RALYL: variants seen among roughly 807,000 people sequenced by gnomAD.
RALYL encodes RNA-binding Raly-like protein.
RALYL carries 29 observed loss-of-function variants against 35.1 expected under a neutral mutation model. The ratio of observed to expected loss-of-function variants is 0.83; its 90% CI spans 0.61 to 1.13. The LOEUF (loss-of-function observed/expected upper bound fraction) is 1.13. Ranked by LOEUF, RALYL falls within the 50% of genes most tolerant of loss-of-function variation. The pLI, the probability that RALYL is intolerant of heterozygous loss-of-function variation, is 0.00. For missense variants in RALYL, 359 were observed against 360.4 expected (o/e 1.00, Z 0.03); for synonymous variants, 120 against 127.6 (o/e 0.94, Z 0.40).
At chr8:84,557,254 TCGA>T (rs1459487890) in intron 2 of RALYL, among the ~76,000 whole-genome samples, 1 of 152,200 alleles carries the variant, frequency 6.6e-6, no homozygotes, top group East Asian at 1.9e-4. Context: ...CATTGTTTCC[TCGA>T]AGGAGAGAGT....
At chr8:84,318,639 T>G (rs2130291441) in intron 1 of RALYL, among the ~76,000 whole-genome samples, 1 of 152,260 alleles carries the variant, frequency 6.6e-6, no homozygotes, top group African/African-American at 2.4e-5. Flanking sequence ...AAGTTCAAAT[T>G]TATTTATTTA....
intron 1 of RALYL, among the ~76,000 whole-genome samples, chr8:84,425,516 C>T (rs576877918): frequency 1.3e-5 from 2 of 152,202 alleles, no homozygotes; most frequent in South Asian, 2.1e-4. Context: ...TCTTCTGCGT[C>T]GCTCACGCTG....
At chr8:84,847,887 C>T (rs187216583) in intron 4 of RALYL, among the ~76,000 whole-genome samples, 2 of 152,264 alleles carry the variant, frequency 1.3e-5, no homozygotes, top group Admixed American at 1.3e-4. Flanking sequence ...TGGAGGCAGA[C>T]TTTACCTTCA....
chr8:84,886,226 T>A (rs932526779), intron 7 of RALYL, among the ~76,000 whole-genome samples: 1 of 152,156 alleles, frequency 6.6e-6, no homozygotes, highest in Non-Finnish European at 1.5e-5. Context: ...ATAAAAGTAA[T>A]TATTATTTTA....
chr8:84,861,872 C>A (rs1563763573), intron 5 of RALYL, among the ~76,000 whole-genome samples: 1 of 152,208 alleles, frequency 6.6e-6, no homozygotes, highest in Admixed American at 6.5e-5. Flanking sequence ...TCTGCAAGAT[C>A]TTTTCCTCTT....
intron 1 of RALYL, among the ~76,000 whole-genome samples, chr8:84,515,266 A>G (rs2057966411): frequency 6.6e-6 from 1 of 152,182 alleles, no homozygotes; most frequent in Admixed American, 6.5e-5. Flanking sequence ...TTCTTTATGC[A>G]TGAAGGGAAT....
chr8:84,477,353 A>G (rs563170179), intron 1 of RALYL, among the ~76,000 whole-genome samples: 26 of 133,092 alleles, frequency 2.0e-4, no homozygotes, highest in African/African-American at 6.4e-4. Flanking sequence ...CCATCTATCT[A>G]TTGATTTACA....
chr8:84,649,775 G>A (rs1248077917), intron 2 of RALYL, among the ~76,000 whole-genome samples: 7 of 152,022 alleles, frequency 4.6e-5, no homozygotes, highest in Admixed American at 1.3e-4. Flanking sequence ...CTCTTTTTTG[G>A]TTGCATATGA....
At chr8:84,818,301 A>C (rs1327996862) in intron 4 of RALYL, among the ~76,000 whole-genome samples, 1 of 152,236 alleles carries the variant, frequency 6.6e-6, no homozygotes, top group Non-Finnish European at 1.5e-5. Context: ...ACATAAAAGC[A>C]AAAGCAGATT....
At chr8:84,578,785 G>A (rs1046280862) in intron 2 of RALYL, among the ~76,000 whole-genome samples, 1 of 152,190 alleles carries the variant, frequency 6.6e-6, no homozygotes, top group Non-Finnish European at 1.5e-5. Flanking sequence ...TAGCTCCTTT[G>A]GGCAGCTGTT....
chr8:84,895,162 C>T (rs1483383072), intron 8 of RALYL, among the ~76,000 whole-genome samples: 4 of 152,078 alleles, frequency 2.6e-5, no homozygotes, highest in South Asian at 2.1e-4. Flanking sequence ...CATTCAAAGA[C>T]CTTCGTCTTG....
intron 1 of RALYL, among the ~76,000 whole-genome samples, chr8:84,391,190 A>G (rs754484703): frequency 1.3e-5 from 2 of 151,924 alleles, no homozygotes; most frequent in African/African-American, 4.8e-5. Context: ...TTCTCTCTCA[A>G]AATACTCCAT....
intron 1 of RALYL, among the ~76,000 whole-genome samples, chr8:84,401,094 A>G (rs1160616917): frequency 6.6e-6 from 1 of 152,162 alleles, no homozygotes. Context: ...ATAAAATACA[A>G]AGTTTGAAAA....
At chr8:84,623,769 C>A (rs1220138800) in intron 2 of RALYL, among the ~76,000 whole-genome samples, 1 of 151,908 alleles carries the variant, frequency 6.6e-6, no homozygotes, top group South Asian at 2.1e-4. Context: ...CACAAATATG[C>A]TGTGGGAAAA....
chr8:84,326,617 G>A (rs376123475), intron 1 of RALYL, among the ~76,000 whole-genome samples: 9 of 151,908 alleles, frequency 5.9e-5, no homozygotes, highest in East Asian at 5.8e-4. Flanking sequence ...AAATACATAC[G>A]TTTATATTTC....
chr8:84,589,813 A>G (rs1812825610), intron 2 of RALYL, among the ~76,000 whole-genome samples: 1 of 152,246 alleles, frequency 6.6e-6, no homozygotes, highest in Non-Finnish European at 1.5e-5. Flanking sequence ...AAATAAACTC[A>G]GCCACTCTGT....
chr8:84,296,454 C>T lies in RALYL; in HGVS notation c.-24+112030C>T, dbSNP rs141584523. 1.1e-4 allele frequency among the ~76,000 whole-genome samples: 17 copies of T among 152,068 alleles called. No individual in the cohort carries two copies. In the East Asian group the frequency reaches 3.3e-3, roughly 30 times the overall value. The stretch of plus-strand genomic sequence containing the variant: ...TTTCCTAGGTCTGTGACATCTTACC[C>T]TGTTCACCATGTTCATCTTTCCTTT... On this transcript the variant is annotated intron_variant, in intron 1 of 8. Coordinates refer to ENST00000521268, the MANE Select transcript of RALYL (RefSeq NM_173848.7).
intron 3 of RALYL, among the ~76,000 whole-genome samples, chr8:84,781,851 C>G (rs1424910666): frequency 6.6e-6 from 1 of 152,114 alleles, no homozygotes; most frequent in Non-Finnish European, 1.5e-5. Flanking sequence ...GCAAAATAAT[C>G]TATGTAACCA....
chr8:84,668,894 C>T (rs143942369), intron 2 of RALYL, among the ~76,000 whole-genome samples: 4 of 152,150 alleles, frequency 2.6e-5, no homozygotes, highest in African/African-American at 9.6e-5. Flanking sequence ...AAGAAATTTA[C>T]TGGTAAATGT....
Sources: allele counts gnomAD v4.1 joint callset (sites outside exome capture counted in the v4.1 genomes callset), GRCh38; gene constraint gnomAD v4.1.1; transcripts MANE v1.5; gene names NCBI Gene and HGNC (gene_info 2026-07-23, HGNC 2026-07-21).